The following CCDC73 variants were observed in gnomAD, a reference collection of about 807,000 sequenced individuals.
CCDC73 encodes coiled-coil domain containing 73.
CCDC73 carries 95 observed loss-of-function variants against 116.5 expected under a neutral mutation model. The ratio of observed to expected loss-of-function variants is 0.82; its 90% CI spans 0.69 to 0.97. The LOEUF is 0.97. Among genes scored for constraint, CCDC73 ranks in the 50% least tolerant of loss-of-function variants. The pLI, the probability that CCDC73 is intolerant of heterozygous loss-of-function variation, is 0.00. For synonymous variants in CCDC73, 398 were observed against 401.3 expected (o/e 0.99, Z 0.10); for missense variants, 1,066 against 1,206.8 (o/e 0.88, Z 1.73).
At chr11:32,638,122 A>G (rs1217457535) in intron 13 of CCDC73, among the ~76,000 whole-genome samples, 1 of 152,192 alleles carries the variant, frequency 6.6e-6, no homozygotes, top group Non-Finnish European at 1.5e-5. Context: ...TACTTCCAAA[A>G]TTCATCCTGC....
At chr11:32,811,380 T>A in the CCDC73 span, among the ~76,000 whole-genome samples, 4 of 152,020 alleles carry the variant, frequency 2.6e-5, no homozygotes, top group Admixed American at 6.5e-5. Flanking sequence ...TGTTCCTAAC[T>A]TTCATTTTCA....
At chr11:32,660,743 G>A (rs559334310) in intron 9 of CCDC73, among the ~76,000 whole-genome samples, 1 of 152,130 alleles carries the variant, frequency 6.6e-6, no homozygotes, top group East Asian at 1.9e-4. Flanking sequence ...GACTGCTTGA[G>A]CCCAGGTGTT....
intron 1 of CCDC73, among the ~76,000 whole-genome samples, chr11:32,793,628 T>TA (rs1850695986): frequency 1.3e-5 from 2 of 151,604 alleles, no homozygotes; most frequent in African/African-American, 4.8e-5. Flanking sequence ...TTTTATTTTT[T>TA]TAGACAGAGT....
chr11:32,704,977 C>T (rs940915361), intron 3 of CCDC73, among the ~76,000 whole-genome samples: 28 of 152,184 alleles, frequency 1.8e-4, no homozygotes, highest in African/African-American at 6.5e-4. Flanking sequence ...GGACATGGGA[C>T]AAGAACTCAG....
At chr11:32,654,515 G>T (rs897788843) in intron 10 of CCDC73, among the ~76,000 whole-genome samples, 1 of 152,184 alleles carries the variant, frequency 6.6e-6, no homozygotes, top group South Asian at 2.1e-4. Flanking sequence ...AGTGACTTCA[G>T]TGAACTGAAG....
chr11:32,741,253 A>G (rs1348475373), intron 2 of CCDC73, among the ~76,000 whole-genome samples: 2 of 151,946 alleles, frequency 1.3e-5, no homozygotes, highest in Admixed American at 6.6e-5. Context: ...GATCTGTCCA[A>G]TGTTGAAAGT....
intron 12 of CCDC73, among the ~76,000 whole-genome samples, chr11:32,650,012 A>T (rs1480962290): frequency 1.3e-5 from 2 of 152,192 alleles, no homozygotes; most frequent in Non-Finnish European, 2.9e-5. Flanking sequence ...AAAAAGAGAG[A>T]AGCATTTGAT....
chr11:32,760,894 A>C (rs544467988), intron 1 of CCDC73, among the ~76,000 whole-genome samples: 1 of 152,212 alleles, frequency 6.6e-6, no homozygotes, highest in Non-Finnish European at 1.5e-5. Flanking sequence ...ACAAGAGTAC[A>C]ATATTAAAAA....
At chr11:32,816,110 G>A in the CCDC73 span, among the ~76,000 whole-genome samples, 1 of 152,132 alleles carries the variant, frequency 6.6e-6, no homozygotes, top group Non-Finnish European at 1.5e-5. Flanking sequence ...AAGACTAGAG[G>A]GAAGAAGATG....
intron 14 of CCDC73, among the ~76,000 whole-genome samples, chr11:32,634,547 G>A (rs547192654): frequency 6.6e-5 from 10 of 152,198 alleles, no homozygotes; most frequent in Admixed American, 1.3e-4. Context: ...AAAACATATA[G>A]CTAAAATGAT....
At chr11:32,784,830 CAGA>C (rs1850613103) in intron 1 of CCDC73, among the ~76,000 whole-genome samples, 1 of 152,134 alleles carries the variant, frequency 6.6e-6, no homozygotes, top group African/African-American at 2.4e-5. Context: ...TAAGTTGGTA[CAGA>C]ACCCTTAGAC....
chr11:32,615,084 CAAT>C lies in CCDC73; in HGVS notation c.1376-145_1376-143del, dbSNP rs1391668531. ...AATAATTATACAAACTTAATGACAT[CAAT>C]ATTACCTAAATACTGGGTTCCCTTT... is the stretch of plus-strand genomic sequence containing the variant. On this transcript the variant is annotated intron_variant, in intron 15 of 17. Coordinates refer to ENST00000335185, the MANE Select transcript of CCDC73 (RefSeq NM_001008391.4). The C allele has an allele frequency of 5.8e-6, 3 of 514,040 alleles. No individual in the cohort carries two copies. In the East Asian group the frequency reaches 9.0e-5, roughly 15 times the overall value. The allele number at this position is 514,040 out of a possible 1,614,324, so 31.8% of individuals were successfully genotyped here.
chr11:32,826,180 C>A, the CCDC73 span, among the ~76,000 whole-genome samples: 1 of 152,122 alleles, frequency 6.6e-6, no homozygotes, highest in Non-Finnish European at 1.5e-5. Flanking sequence ...TCTGAAAATA[C>A]CTGCATGTAG....
chr11:32,810,633 T>C, the CCDC73 span, among the ~76,000 whole-genome samples: 1 of 152,148 alleles, frequency 6.6e-6, no homozygotes, highest in African/African-American at 2.4e-5. Flanking sequence ...TATAGAATAA[T>C]AAGAGAAAAT....
In CCDC73 at chr11:32,637,038, GAGA is replaced by G. The variant is rs1308319128; in HGVS notation, c.1051-1211_1051-1209del. On this transcript the variant is annotated intron_variant, in intron 13 of 17. Coordinates refer to ENST00000335185, the MANE Select transcript of CCDC73 (RefSeq NM_001008391.4). ...TTTTCTTTTTTTTTTTTTTTTTTTT[GAGA>G]AGGAGTCTCACTCTGTTGCCCAGGC... Among the ~76,000 whole-genome samples the G allele has an allele frequency of 7.2e-3, 135 of 18,858 alleles. 1 individual carries two copies. Among genetic ancestry groups the G allele is most frequent in the Non-Finnish European group, 6.2e-3 (60 of 9,610 alleles). 12.4% of individuals were successfully genotyped at this position (18,858 alleles called of 152,430 possible).
intron 1 of CCDC73, among the ~76,000 whole-genome samples, chr11:32,794,086 G>A (rs1850701460): frequency 6.6e-6 from 1 of 152,062 alleles, no homozygotes; most frequent in South Asian, 2.1e-4. Context: ...CTGCAACTGC[G>A]CTAGAACTTT....
intron 9 of CCDC73, among the ~76,000 whole-genome samples, chr11:32,673,432 T>C (rs1856057212): frequency 6.6e-6 from 1 of 152,136 alleles, no homozygotes; most frequent in South Asian, 2.1e-4. Context: ...TGAAAGTCTA[T>C]GTATATATAA....
At position 32,684,908 on chromosome 11, in the gene CCDC73, G is replaced by A. The variant is rs116357205; in HGVS notation, c.391-1334C>T. Among the ~76,000 whole-genome samples, 531 of 152,132 alleles carry A rather than the reference G, an allele frequency of 3.5e-3. 6 individuals are homozygous for A. Among genetic ancestry groups the A allele is most frequent in the African/African-American group, 0.012 (510 of 41,502 alleles). On this transcript the variant is annotated intron_variant, in intron 6 of 17. Transcript: ENST00000335185. ...GGCCAGGATGACTGCTTGAGCCCGG[G>A]GGGTGGAGGTTGCAGTGAATTGAGA...
intron 15 of CCDC73, among the ~76,000 whole-genome samples, chr11:32,615,531 T>C (rs1029979012): frequency 1.3e-5 from 2 of 152,106 alleles, no homozygotes; most frequent in African/African-American, 4.8e-5. Context: ...GATTTCAACT[T>C]TTTAGTATAG....
Sources: allele counts gnomAD v4.1 joint callset (sites outside exome capture counted in the v4.1 genomes callset), GRCh38; gene constraint gnomAD v4.1.1; transcripts MANE v1.5; gene names NCBI Gene and HGNC (gene_info 2026-07-23, HGNC 2026-07-21).